The following MTHFD1 variants were observed in gnomAD, a reference collection of about 807,000 sequenced individuals.
MTHFD1 encodes C-1-tetrahydrofolate synthase, cytoplasmic.
In MTHFD1, 44 loss-of-function variants were observed where a neutral mutation model predicts 110.3. The ratio of observed to expected loss-of-function variants is 0.40; its 90% CI spans 0.31 to 0.51. MTHFD1 has a LOEUF of 0.51. Among genes scored for constraint, MTHFD1 ranks in the 20% least tolerant of loss-of-function variants. MTHFD1 has a pLI of 0.60. For synonymous variants in MTHFD1, 402 were observed against 428.8 expected, an observed-to-expected ratio of 0.94 and a Z score of 0.77; for missense variants, 909 against 1,173.1, an observed-to-expected ratio of 0.77 and a Z score of 3.29.
At chr14:64,401,245 G>C (rs1349415843) in intron 2 of MTHFD1, among the ~76,000 whole-genome samples, 1 of 151,932 alleles carries the variant, frequency 6.6e-6, no homozygotes, top group Non-Finnish European at 1.5e-5. Flanking sequence ...TCACTGTAGC[G>C]TTGAACTCCT....
At chr14:64,431,443 T>G in intron 13 of MTHFD1, 89 bp from the exon 14 acceptor site, 1 of 1,155,392 alleles carries the variant, frequency 8.7e-7, no homozygotes, top group Non-Finnish European at 1.3e-6. Context: ...TCCATTGGCT[T>G]TAAAATAGGG....
At chr14:64,439,298 A>G (rs1195000925) in intron 17 of MTHFD1, 126 bp downstream of exon 17, 1 of 766,484 alleles carries the variant, frequency 1.3e-6, no homozygotes, top group African/African-American at 1.7e-5. Flanking sequence ...CCCTTTTAAA[A>G]TGGAAGTGAG....
chr14:64,448,873 C>T (rs1490420473), intron 23 of MTHFD1, among the ~76,000 whole-genome samples: 1 of 151,612 alleles, frequency 6.6e-6, no homozygotes, highest in East Asian at 1.9e-4. Context: ...GATCTCCACT[C>T]GCTGCAAGCT....
chr14:64,419,633 T>G (rs1360686743), intron 7 of MTHFD1, among the ~76,000 whole-genome samples, 181 bp from the exon 8 acceptor site: 4 of 152,198 alleles, frequency 2.6e-5, no homozygotes, highest in African/African-American at 9.6e-5. Flanking sequence ...GCACGGCATG[T>G]GAAGGGCTGT....
intron 18 of MTHFD1, 41 bp downstream of exon 18, chr14:64,440,307 T>C: frequency 6.2e-7 from 1 of 1,613,604 alleles, no homozygotes; most frequent in East Asian, 2.2e-5. Context: ...CATATCTGTG[T>C]CTGTTGTCCT....
In MTHFD1 at chr14:64,415,458, T is replaced by C. The variant is rs757985878; in HGVS notation, c.341T>C (p.Val114Ala). The C allele has an allele frequency of 1.7e-5, 28 of 1,614,000 alleles. No homozygotes were observed. Among genetic ancestry groups the C allele is most frequent in the African/African-American group, 1.2e-4 (9 of 74,934 alleles). The change falls in exon 5 of 28, where the codon GTG becomes GCG. Residue 114 changes from valine to alanine, a missense_variant. Transcript: ENST00000652337. Reference sequence around the variant, plus strand: ...GAGAATTCCATTAACACTGAAGAAGTGATCAATGCTATTGCACCCGAGAAG... The same window carrying C: ...GAGAATTCCATTAACACTGAAGAAGCGATCAATGCTATTGCACCCGAGAAG... ...DSENSINTEEVINAIAPEKDV... is the reference protein window; with the variant it reads ...DSENSINTEEAINAIAPEKDV...
intron 1 of MTHFD1, among the ~76,000 whole-genome samples, chr14:64,397,593 C>G (rs371938440): frequency 1.3e-5 from 2 of 152,030 alleles, no homozygotes; most frequent in South Asian, 2.1e-4. Context: ...ATGCCCGGCC[C>G]GAAGCCCTGT....
chr14:64,452,566 A>G (rs527593343), intron 24 of MTHFD1, among the ~76,000 whole-genome samples: 1 of 152,342 alleles, frequency 6.6e-6, no homozygotes, highest in South Asian at 2.1e-4. Context: ...CAGTTAGACC[A>G]CTGGTCTCTG....
chr14:64,424,703 T>C, intron 8 of MTHFD1, 101 bp from the exon 9 acceptor site: 3 of 1,315,606 alleles, frequency 2.3e-6, no homozygotes, highest in Non-Finnish European at 3.2e-6. Context: ...TGGAGCCTGA[T>C]GGGACTAACA....
chr14:64,434,949 C>CTTTTTTTTT (rs374039248), intron 15 of MTHFD1, among the ~76,000 whole-genome samples: 5 of 80,860 alleles, frequency 6.2e-5, no homozygotes, highest in Non-Finnish European at 9.7e-5. Flanking sequence ...TCCCTCTTTT[C>CTTTTTTTTT]TTTTTTTTTT....
chr14:64,447,563 G>T (rs2078302409), intron 22 of MTHFD1, among the ~76,000 whole-genome samples: 1 of 150,562 alleles, frequency 6.6e-6, no homozygotes. Flanking sequence ...TCCTGCCTCA[G>T]CCTCCCAAAG....
At chr14:64,433,673 C>T (rs945862109) in intron 15 of MTHFD1, among the ~76,000 whole-genome samples, 3 of 149,920 alleles carry the variant, frequency 2.0e-5, no homozygotes, top group African/African-American at 7.4e-5. Flanking sequence ...CCTTGGCATA[C>T]CAAAGTGCTG....
At chr14:64,428,117 T>G (rs1335783202) in intron 12 of MTHFD1, among the ~76,000 whole-genome samples, 11 of 146,954 alleles carry the variant, frequency 7.5e-5, no homozygotes, top group Non-Finnish European at 1.5e-4. Context: ...TTTTTTTTTT[T>G]TTTTTTTTTT....
chr14:64,421,801 AT>A (rs967376585), intron 8 of MTHFD1, among the ~76,000 whole-genome samples: 3 of 151,456 alleles, frequency 2.0e-5, no homozygotes, highest in Non-Finnish European at 2.9e-5. Flanking sequence ...TTTTTTTTGT[AT>A]TTTTAGTAGA....
At chr14:64,427,800 G>C (rs1023840131) in intron 12 of MTHFD1, among the ~76,000 whole-genome samples, 2 of 152,178 alleles carry the variant, frequency 1.3e-5, no homozygotes, top group Admixed American at 6.5e-5. Context: ...ACACTCTAGA[G>C]ACAATGACAA....
intron 2 of MTHFD1, among the ~76,000 whole-genome samples, chr14:64,406,653 G>A (rs750083457): frequency 6.6e-6 from 1 of 151,818 alleles, no homozygotes; most frequent in Non-Finnish European, 1.5e-5. Context: ...GCTAATTTTA[G>A]TATTTGAGAC....
At chr14:64,440,430 A>G in intron 18 of MTHFD1, 164 bp downstream of exon 18, 1 of 865,738 alleles carries the variant, frequency 1.2e-6, no homozygotes, top group South Asian at 1.4e-5. Flanking sequence ...TGAAATGTTT[A>G]AAAAGTACAT....
chr14:64,430,747 G>A (rs1234608687), intron 13 of MTHFD1, among the ~76,000 whole-genome samples: 1 of 152,178 alleles, frequency 6.6e-6, no homozygotes, highest in East Asian at 1.9e-4. Flanking sequence ...TCAAACTTTG[G>A]CTTTCAGTGG....
intron 2 of MTHFD1, among the ~76,000 whole-genome samples, chr14:64,402,775 C>T (rs957580870): frequency 2.0e-5 from 3 of 150,392 alleles, no homozygotes; most frequent in African/African-American, 7.4e-5. Context: ...TGCCACTGTA[C>T]TCCAGCTTAG....
Sources: allele counts gnomAD v4.1 joint callset (sites outside exome capture counted in the v4.1 genomes callset), GRCh38; gene constraint gnomAD v4.1.1; transcripts MANE v1.5; gene names NCBI Gene and HGNC (gene_info 2026-07-23, HGNC 2026-07-21).